Variants in INTS7 observed in about 807,000 individuals in gnomAD.
INTS7 encodes chromosome 1 open reading frame 73.
In INTS7, 46 loss-of-function variants were observed where a neutral mutation model predicts 109.2. That is an observed-to-expected ratio of 0.42 (90% CI 0.33 to 0.54). The LOEUF (loss-of-function observed/expected upper bound fraction) is 0.54. Ranked by LOEUF, INTS7 falls within the 20% of genes least tolerant of loss-of-function variation. INTS7 has a pLI of 0.07. For synonymous variants in INTS7, 412 were observed against 402.9 expected (o/e 1.02, Z -0.27); for missense variants, 929 against 1,132.4 (o/e 0.82, Z 2.58).
chr1:211,976,556 A>G, intron 12 of INTS7, 26 bp downstream of exon 12: 1 of 1,594,184 alleles, frequency 6.3e-7, no homozygotes, highest in Non-Finnish European at 8.6e-7. Flanking sequence ...CCAGCAACCC[A>G]GTTCACTCAG....
intron 1 of INTS7, among the ~76,000 whole-genome samples, 187 bp from the exon 2 acceptor site, chr1:212,021,399 C>T (rs1666695271): frequency 6.6e-6 from 1 of 151,744 alleles, no homozygotes; most frequent in South Asian, 2.1e-4. Context: ...GAAATCGCTA[C>T]TTTTAGATAC....
rs1662867113 is a variant in INTS7 at position 211,946,781 on chromosome 1, A to G, written c.2317-76T>C. Reference sequence around the variant, plus strand: ...TCAACAAGTGGTACATTCAGTATAAAACTACAAATGCCCATATAGATTATT... The same window carrying G: ...TCAACAAGTGGTACATTCAGTATAAGACTACAAATGCCCATATAGATTATT... On this transcript the variant is annotated intron_variant, in intron 17 of 19. Coordinates refer to ENST00000366994, the MANE Select transcript of INTS7 (RefSeq NM_015434.4). The surrounding 1 kb of genome is among the most constrained non-coding windows in gnomAD (Gnocchi z 4.3). 1.1e-6 allele frequency: 1 copy of G among 930,620 alleles called. No homozygotes were observed. The allele number at this position is 930,620 out of a possible 1,614,324, so 57.6% of individuals were successfully genotyped here.
At chr1:212,008,351 T>C (rs1220331979) in intron 5 of INTS7, among the ~76,000 whole-genome samples, 1 of 152,188 alleles carries the variant, frequency 6.6e-6, no homozygotes, top group Non-Finnish European at 1.5e-5. Context: ...ATTCTATCTT[T>C]GAAACTCACT....
intron 17 of INTS7, among the ~76,000 whole-genome samples, chr1:211,947,879 A>G (rs1662910882): frequency 6.6e-6 from 1 of 152,244 alleles, no homozygotes. Flanking sequence ...CAAGCTAGCC[A>G]GGTAAACTAC....
Position 212,030,532 on chromosome 1 carries a change from G to A in INTS7, c.94+4812C>T, listed in dbSNP as rs148477060. Reference sequence around the variant, plus strand: ...TCGAACTCCTGACCTCAGGTGATCCGCCCGCCTCGGCCTCCCAAAGTGCTG... The same window carrying A: ...TCGAACTCCTGACCTCAGGTGATCCACCCGCCTCGGCCTCCCAAAGTGCTG... On this transcript the variant is annotated intron_variant, in intron 1 of 19. Coordinates refer to ENST00000366994, the MANE Select transcript of INTS7 (RefSeq NM_015434.4). Among the ~76,000 whole-genome samples, 10 of 152,118 alleles carry A rather than the reference G, an allele frequency of 6.6e-5. No homozygotes were observed. The East Asian group carries it at 1.5e-3, about 24-fold the overall frequency.
chr1:211,977,629 T>C (rs80349064), intron 11 of INTS7, among the ~76,000 whole-genome samples: 3,973 of 152,284 alleles, frequency 0.026, 59 homozygotes, highest in African/African-American at 0.046. Context: ...AACAGAACAA[T>C]ATGGAATGGC....
intron 2 of INTS7, 130 bp downstream of exon 2, chr1:212,020,953 C>G: frequency 1.2e-6 from 1 of 836,208 alleles, no homozygotes; most frequent in Non-Finnish European, 1.8e-6. Context: ...GTGCTGCACA[C>G]AGTCATGTGT....
intron 17 of INTS7, among the ~76,000 whole-genome samples, chr1:211,947,012 A>G (rs1662875911): frequency 6.6e-6 from 1 of 152,234 alleles, no homozygotes. Context: ...GTATATTATT[A>G]AACAATTATA....
Position 211,997,532 on chromosome 1 carries a change from A to G in INTS7, c.879+9107T>C, listed in dbSNP as rs1436437480. On this transcript the variant is annotated intron_variant, in intron 7 of 19. Coordinates refer to ENST00000366994, the MANE Select transcript of INTS7 (RefSeq NM_015434.4). ...AGTGAAACCTATCTCCAAACAGAAAAAAAAAAAAAAAAAAAAAAGGGAGAG... is the reference window on the plus strand; with the variant it reads ...AGTGAAACCTATCTCCAAACAGAAAGAAAAAAAAAAAAAAAAAAGGGAGAG... Among the ~76,000 whole-genome samples the G allele has an allele frequency of 4.2e-5, 6 of 142,486 alleles. No individual in the cohort carries two copies. The South Asian group carries it at 1.3e-3, about 31-fold the overall frequency. 93.5% of individuals were successfully genotyped at this position (142,486 alleles called of 152,430 possible).
chr1:212,026,474 C>T (rs994858837), intron 1 of INTS7, among the ~76,000 whole-genome samples: 5 of 152,216 alleles, frequency 3.3e-5, no homozygotes, highest in African/African-American at 4.8e-5. Flanking sequence ...CCCTCTTACA[C>T]ACACAAAGAA....
chr1:212,015,877 T>C (rs1666414242), intron 4 of INTS7, among the ~76,000 whole-genome samples: 1 of 152,022 alleles, frequency 6.6e-6, no homozygotes, highest in South Asian at 2.1e-4. Context: ...ACCAAGATTT[T>C]GATATATATC....
Position 212,035,455 on chromosome 1 carries a change from G to A in INTS7, c.-18C>T. 6.4e-7 allele frequency: 1 copy of A among 1,562,486 alleles called. No individual in the cohort carries two copies. The highest frequency in any genetic ancestry group is 8.8e-7 in the Non-Finnish European group (1 of 1,133,134). The stretch of plus-strand genomic sequence containing the variant: ...GACGCCATGACCCGAATAGTTACTC[G>A]ACTAGCCTAGTCAGAAAGCTTGCAA... On this transcript the variant is annotated 5_prime_UTR_variant, in exon 1 of 20. Coordinates refer to ENST00000366994, the MANE Select transcript of INTS7 (RefSeq NM_015434.4).
rs969098937 is a variant in INTS7, at chr1:211,941,894, C to A, written c.2819G>T (p.Arg940Leu). The A allele has an allele frequency of 3.1e-6, 5 of 1,614,096 alleles. No homozygotes were observed. Among genetic ancestry groups the A allele is most frequent in the Non-Finnish European group, 4.2e-6 (5 of 1,180,026 alleles). ...SLEDPYSQQI[R>L]LQQQQAQQPL... ...CTGCTGGGCTTGCTGCTGTTGTAAG[C>A]GAATTTGCTGGGAATAAGGGTCTTC... Residue 940 changes from arginine (R) to leucine (L), a missense_variant, in exon 20 of 20, where the codon CGC becomes CTC. Arg to Leu is a moderately radical substitution (Grantham distance 102, BLOSUM62 -2). Around this residue, in one of 2 missense-constraint regions of INTS7, gnomAD observed 787 missense variants for 901.1 expected, o/e 0.87. Coordinates refer to ENST00000366994, the MANE Select transcript of INTS7 (RefSeq NM_015434.4).
intron 16 of INTS7, among the ~76,000 whole-genome samples, chr1:211,956,572 T>A (rs1163875556): frequency 6.6e-6 from 1 of 152,218 alleles, no homozygotes; most frequent in Non-Finnish European, 1.5e-5. Context: ...TCTGTAAGAT[T>A]TGTAATGATG....
chr1:211,952,081 T>G (rs1558022662), intron 17 of INTS7, among the ~76,000 whole-genome samples: 1 of 152,198 alleles, frequency 6.6e-6, no homozygotes, highest in Non-Finnish European at 1.5e-5. Flanking sequence ...GCCCTGTTCT[T>G]TCTGTTTCAA....
chr1:211,973,869 T>C (rs1015701860), intron 13 of INTS7, among the ~76,000 whole-genome samples: 5 of 152,160 alleles, frequency 3.3e-5, no homozygotes, highest in African/African-American at 7.2e-5. Flanking sequence ...AAGGAGAATA[T>C]CTGAGGCCCA....
chr1:211,972,192 G>A (rs1014948970), intron 13 of INTS7, among the ~76,000 whole-genome samples: 5 of 151,900 alleles, frequency 3.3e-5, no homozygotes, highest in Admixed American at 3.3e-4. Flanking sequence ...GATATTTGTT[G>A]TATTTTTTTA....
intron 13 of INTS7, among the ~76,000 whole-genome samples, chr1:211,970,236 T>C (rs1414846579): frequency 6.6e-6 from 1 of 152,254 alleles, no homozygotes; most frequent in Admixed American, 6.5e-5. Context: ...ATTAGCTAGG[T>C]AGAAAAGGTA....
intron 9 of INTS7, among the ~76,000 whole-genome samples, chr1:211,982,213 C>T (rs990657602): frequency 6.6e-6 from 1 of 152,122 alleles, no homozygotes; most frequent in Non-Finnish European, 1.5e-5. Flanking sequence ...CAGTTTAATG[C>T]CACATATACC....
Sources: gnomAD v4.1 joint callset for allele counts (sites outside exome capture counted in the v4.1 genomes callset) on GRCh38, gnomAD v4.1.1 for gene constraint, gnomAD v4.1.1 regional missense constraint, Gnocchi (gnomAD v3.1) non-coding constraint, MANE v1.5 for transcripts, NCBI Gene and HGNC (gene_info 2026-07-23, HGNC 2026-07-21) for gene names.